MARCHF4: variants seen among roughly 807,000 people sequenced by gnomAD.
The protein encoded by MARCHF4 is membrane associated ring-CH-type finger 4.
In MARCHF4, 14 loss-of-function variants were observed where a neutral mutation model predicts 43.9. The ratio of observed to expected loss-of-function variants is 0.32; its 90% CI spans 0.21 to 0.50. MARCHF4 has a LOEUF of 0.50. Ranked by LOEUF, MARCHF4 falls within the 20% of genes least tolerant of loss-of-function variation. The pLI is 0.98. For synonymous variants in MARCHF4, 226 were observed against 213.3 expected, an observed-to-expected ratio of 1.06 and a Z score of -0.52; for missense variants, 468 against 536.7, an observed-to-expected ratio of 0.87 and a Z score of 1.27.
chr2:216,266,887 A>G (rs1690853750), intron 3 of MARCHF4, among the ~76,000 whole-genome samples: 1 of 152,242 alleles, frequency 6.6e-6, no homozygotes, highest in South Asian at 2.1e-4. Flanking sequence ...GGACACAGGT[A>G]TGGCCAGGCT....
chr2:216,354,961 TTCTTTCTTTCTTTC>T lies in MARCHF4; in HGVS notation c.516+14770_516+14783del, dbSNP rs1692473931. Among the ~76,000 whole-genome samples, 11 of 146,564 alleles carry T rather than the reference TTCTTTCTTTCTTTC, an allele frequency of 7.5e-5. No homozygotes were observed. The South Asian group carries it at 2.5e-3, about 33-fold the overall frequency. ...TTTCTTTCTTTCTTTCTTTCTTTCT[TTCTTTCTTTCTTTC>T]TTTCTTTCTTTTTTGAGACAGAGTC... is the stretch of plus-strand genomic sequence containing the variant. On this transcript the variant is annotated intron_variant, in intron 1 of 3. Coordinates refer to ENST00000273067, the MANE Select transcript of MARCHF4 (RefSeq NM_020814.3).
At chr2:216,314,580 C>T (rs1198227676) in intron 1 of MARCHF4, among the ~76,000 whole-genome samples, 2 of 152,148 alleles carry the variant, frequency 1.3e-5, no homozygotes, top group Non-Finnish European at 2.9e-5. Context: ...GCCTCAGCCT[C>T]CCAAAGTGCT....
chr2:216,285,655 C>T (rs72942615), intron 1 of MARCHF4, among the ~76,000 whole-genome samples: 10,559 of 152,230 alleles, frequency 0.069, 493 homozygotes, highest in South Asian at 0.16. Flanking sequence ...GAGATGCCCA[C>T]GTTGCTGGGT....
At chr2:216,275,467 C>T (rs1032361711) in intron 3 of MARCHF4, among the ~76,000 whole-genome samples, 1 of 152,204 alleles carries the variant, frequency 6.6e-6, no homozygotes, top group African/African-American at 2.4e-5. Flanking sequence ...CATGGGACTC[C>T]TGCTATCTGG....
At chr2:216,309,454 G>T (rs981964124) in intron 1 of MARCHF4, among the ~76,000 whole-genome samples, 6 of 152,140 alleles carry the variant, frequency 3.9e-5, no homozygotes, top group African/African-American at 1.4e-4. Flanking sequence ...AACTCACGTG[G>T]TCCACGTGAA....
At position 216,316,002 on chromosome 2, in the gene MARCHF4, T is replaced by A. The variant is rs962625336; in HGVS notation, c.517-32273A>T. On this transcript the variant is annotated intron_variant, in intron 1 of 3. Transcript: ENST00000273067. ...TCCCTAAGGGAGGCGACATCCTCCATCAGGGTCTTTCTATCCCTGGTTTAG... is the reference window on the plus strand; with the variant it reads ...TCCCTAAGGGAGGCGACATCCTCCAACAGGGTCTTTCTATCCCTGGTTTAG... Among the ~76,000 whole-genome samples the A allele has an allele frequency of 2.6e-4, 39 of 152,198 alleles. 1 individual carries two copies. Among genetic ancestry groups the A allele is most frequent in the Non-Finnish European group, 2.9e-5 (2 of 68,032 alleles).
intron 1 of MARCHF4, among the ~76,000 whole-genome samples, chr2:216,326,218 C>T (rs1691988979): frequency 6.6e-6 from 1 of 152,192 alleles, no homozygotes; most frequent in African/African-American, 2.4e-5. Context: ...AAATGCTCCC[C>T]ATCACTGGCC....
At position 216,370,352 on chromosome 2, in the gene MARCHF4, GT is replaced by G; in HGVS notation, c.-93del. 1 of 1,105,662 alleles carries G rather than the reference GT, an allele frequency of 9.0e-7. No individual in the cohort carries two copies. The highest frequency in any genetic ancestry group is 1.2e-6 in the Non-Finnish European group (1 of 801,752). 68.5% of individuals were successfully genotyped at this position (1,105,662 alleles called of 1,614,324 possible). A position where few individuals can be genotyped will look rare whatever the true frequency, so the allele number is the denominator to read the frequency against. ...TTTTGGGGGTCCACAGTGGATCTGT[GT>G]TGTGGGGGGAGTCTGCTTTCTCACT... On this transcript the variant is annotated 5_prime_UTR_variant, in exon 1 of 4. Coordinates refer to ENST00000273067, the MANE Select transcript of MARCHF4 (RefSeq NM_020814.3).
chr2:216,271,082 C>T (rs772186579), intron 3 of MARCHF4, among the ~76,000 whole-genome samples: 4 of 152,170 alleles, frequency 2.6e-5, no homozygotes, highest in Admixed American at 6.5e-5. Context: ...TTTCCCCATT[C>T]GAAATTTTAT....
chr2:216,268,529 T>A (rs1464209415), intron 3 of MARCHF4, among the ~76,000 whole-genome samples: 2 of 152,228 alleles, frequency 1.3e-5, no homozygotes, highest in Non-Finnish European at 2.9e-5. Context: ...TCCTGCTGCC[T>A]TGTGAAGAAG....
chr2:216,294,240 T>A (rs1691356461), intron 1 of MARCHF4, among the ~76,000 whole-genome samples: 1 of 152,244 alleles, frequency 6.6e-6, no homozygotes, highest in African/African-American at 2.4e-5. Flanking sequence ...TGGCAAATAC[T>A]CTTGCCTCTT....
chr2:216,312,190 C>A (rs963559397), intron 1 of MARCHF4, among the ~76,000 whole-genome samples: 1 of 152,162 alleles, frequency 6.6e-6, no homozygotes, highest in South Asian at 2.1e-4. Flanking sequence ...TTGTTTAACT[C>A]CCATTTATAA....
intron 3 of MARCHF4, among the ~76,000 whole-genome samples, chr2:216,261,612 C>G (rs531257457): frequency 2.2e-4 from 33 of 152,252 alleles, no homozygotes; most frequent in South Asian, 8.3e-4. Context: ...ACATTTTGGT[C>G]ATGGTTAGTT....
intron 1 of MARCHF4, among the ~76,000 whole-genome samples, chr2:216,334,309 C>T (rs1692124988): frequency 6.6e-6 from 1 of 152,228 alleles, no homozygotes; most frequent in South Asian, 2.1e-4. Context: ...AAAACAGAGA[C>T]TTCTTCCTTC....
At chr2:216,329,608 A>T (rs1436472377) in intron 1 of MARCHF4, among the ~76,000 whole-genome samples, 1 of 144,688 alleles carries the variant, frequency 6.9e-6, no homozygotes, top group Non-Finnish European at 1.5e-5. Context: ...AGAGAAAATG[A>T]CATAAAACAG....
intron 3 of MARCHF4, among the ~76,000 whole-genome samples, chr2:216,263,218 G>A (rs1264565817): frequency 2.0e-5 from 3 of 152,190 alleles, no homozygotes; most frequent in Non-Finnish European, 4.4e-5. Flanking sequence ...CCTGAGGTCA[G>A]GAATTCAAGA....
chr2:216,345,246 G>A (rs190047346), intron 1 of MARCHF4, among the ~76,000 whole-genome samples: 4 of 152,038 alleles, frequency 2.6e-5, no homozygotes, highest in African/African-American at 9.6e-5. Context: ...GTAAAAGCAC[G>A]GCCCCTTCTT....
At chr2:216,260,059 G>A (rs1210423994) in intron 3 of MARCHF4, among the ~76,000 whole-genome samples, 1 of 152,190 alleles carries the variant, frequency 6.6e-6, no homozygotes, top group Non-Finnish European at 1.5e-5. Context: ...TGCTTTTAAA[G>A]CACCACAAAA....
chr2:216,356,925 A>T (rs1181209598), intron 1 of MARCHF4, among the ~76,000 whole-genome samples: 2 of 152,014 alleles, frequency 1.3e-5, no homozygotes, highest in African/African-American at 2.4e-5. Flanking sequence ...AGGGAGGCTG[A>T]TGGAGGAGAA....
Sources: allele counts gnomAD v4.1 joint callset (sites outside exome capture counted in the v4.1 genomes callset), GRCh38; gene constraint gnomAD v4.1.1; transcripts MANE v1.5; gene names NCBI Gene and HGNC (gene_info 2026-07-23, HGNC 2026-07-21).